The following NUDC variants were observed in gnomAD, a reference collection of about 807,000 sequenced individuals.
The protein encoded by NUDC is nuclear migration protein nudC.
NUDC carries 14 observed loss-of-function variants against 45.0 expected under a neutral mutation model. The observed-to-expected ratio is 0.31, with a 90% CI of 0.21 to 0.49. The LOEUF (loss-of-function observed/expected upper bound fraction) is 0.49, where lower values mean the gene tolerates loss of function less well. Ranked by LOEUF, NUDC falls within the 20% of genes least tolerant of loss-of-function variation. The pLI, the probability that NUDC is intolerant of heterozygous loss-of-function variation, is 0.99. For synonymous variants in NUDC, 153 were observed against 156.7 expected, an observed-to-expected ratio of 0.98 and a Z score of 0.17; for missense variants, 323 against 426.2, an observed-to-expected ratio of 0.76 and a Z score of 2.13.
chr1:26,924,773 G>A (rs375846466), intron 2 of NUDC, among the ~76,000 whole-genome samples: 1 of 152,004 alleles, frequency 6.6e-6, no homozygotes, highest in Non-Finnish European at 1.5e-5. Context: ...GGCTGGTCTC[G>A]AACTCCTGAC....
At chr1:26,945,171 T>C in intron 6 of NUDC, 1 of 606,154 alleles carries the variant, frequency 1.6e-6, no homozygotes, top group Non-Finnish European at 3.0e-6. Context: ...CCTTTCTGCT[T>C]TCTTCTTTCC....
At chr1:26,927,545 C>G (rs1570728343) in intron 2 of NUDC, among the ~76,000 whole-genome samples, 2 of 151,746 alleles carry the variant, frequency 1.3e-5, no homozygotes, top group African/African-American at 2.4e-5. Context: ...TTACAGGCGC[C>G]CGCCCCTATG....
chr1:26,923,921 G>A (rs1011751115), intron 1 of NUDC, among the ~76,000 whole-genome samples, 168 bp from the exon 2 acceptor site: 1 of 152,134 alleles, frequency 6.6e-6, no homozygotes, highest in Non-Finnish European at 1.5e-5. Context: ...GCTTCATGGT[G>A]GAAGTGACTA....
chr1:26,911,686 A>G (rs1444080440), intron 3 of NUDC: 2 of 837,158 alleles, frequency 2.4e-6, no homozygotes, highest in Non-Finnish European at 3.9e-6. Flanking sequence ...AGGAAGTCCA[A>G]TGTGGGGTGT....
chr1:26,907,964 A>C (rs912961056), intron 2 of NUDC, among the ~76,000 whole-genome samples: 1 of 152,198 alleles, frequency 6.6e-6, no homozygotes, highest in East Asian at 1.9e-4. Flanking sequence ...GGATCACCTG[A>C]GGTCAGGAGT....
Position 26,921,817 on chromosome 1 carries a change from A to C in NUDC, c.-32A>C, listed in dbSNP as rs1013651599. On this transcript the variant is annotated 5_prime_UTR_variant, in exon 1 of 9. Coordinates refer to ENST00000321265, the MANE Select transcript of NUDC (RefSeq NM_006600.4). ...CGTAGAGAGCGCGGGACTAGAGTGC[A>C]GAGCTCCGGGACGTGGATCGGAGCC... is the stretch of plus-strand genomic sequence containing the variant. The C allele has an allele frequency of 1.3e-6, 2 of 1,547,190 alleles. No individual in the cohort carries two copies. Among genetic ancestry groups the C allele is most frequent in the Non-Finnish European group, 1.7e-6 (2 of 1,144,792 alleles).
At chr1:26,904,381 G>T (rs1455259564) in intron 2 of NUDC, among the ~76,000 whole-genome samples, 5 of 151,756 alleles carry the variant, frequency 3.3e-5, no homozygotes, top group African/African-American at 1.2e-4. Context: ...TGTTGACCAG[G>T]CTGATCTTGA....
At position 26,942,890 on chromosome 1, in the gene NUDC, T is replaced by C. The variant is rs772144546; in HGVS notation, c.566T>C (p.Val189Ala). 2 of 1,613,812 alleles carry C rather than the reference T, an allele frequency of 1.2e-6. No individual in the cohort carries two copies. Among genetic ancestry groups the C allele is most frequent in the South Asian group, 2.2e-5 (2 of 91,062 alleles). The change falls in exon 6 of 9, where the codon GTG becomes GCG. Residue 189 changes from valine to alanine, a missense_variant. Val to Ala is a moderately conservative substitution (Grantham distance 64). Coordinates refer to ENST00000321265, the MANE Select transcript of NUDC (RefSeq NM_006600.4). The stretch of plus-strand genomic sequence containing the variant: ...ATGCAGCTGGCGGTCCCTTTCTGTG[T>C]GAACTTCCGGCTGAAAGGGAAGGAC... ...SELDLAVPFC[V>A]NFRLKGKDMV... is the part of the protein sequence containing the mutation.
At chr1:26,920,582 A>G (rs2082084247), upstream of NUDC, among the ~76,000 whole-genome samples, 2 of 151,934 alleles carry the variant, frequency 1.3e-5, no homozygotes, top group South Asian at 4.1e-4. Context: ...TGAGAGCTGA[A>G]AATTGGAGAG....
chr1:26,934,475 C>T (rs1428842632), intron 2 of NUDC, among the ~76,000 whole-genome samples: 1 of 152,108 alleles, frequency 6.6e-6, no homozygotes. Context: ...CCTGGTACCC[C>T]CGCCAAATCT....
chr1:26,913,643 AC>A (rs750152150), intron 3 of NUDC: 3 of 1,613,700 alleles, frequency 1.9e-6, no homozygotes, highest in Non-Finnish European at 1.7e-6. Context: ...TCTTGGGCCA[AC>A]CCAAGCAGGA....
In NUDC at chr1:26,945,149, G is replaced by A. The variant is rs1290692402; in HGVS notation, c.742-241G>A. 1.2e-5 allele frequency: 7 copies of A among 590,868 alleles called. No homozygotes were observed. In the East Asian group the frequency reaches 2.0e-4, roughly 17 times the overall value. 36.6% of individuals were successfully genotyped at this position (590,868 alleles called of 1,614,324 possible). ...TTCAAACTTTTCTCCCTCCACCCTG[G>A]ATGAATATCTCCCTTTCTGCTTTCT... On this transcript the variant is annotated intron_variant, in intron 6 of 8. Transcript: ENST00000321265.
intron 6 of NUDC, 36 bp from the exon 7 acceptor site, chr1:26,945,354 A>G (rs763760474): frequency 6.4e-7 from 1 of 1,568,644 alleles, no homozygotes; most frequent in Admixed American, 1.7e-5. Context: ...TGCACAGAGC[A>G]GGCCACCTCC....
intron 2 of NUDC, among the ~76,000 whole-genome samples, chr1:26,909,827 G>A (rs1426234544): frequency 1.3e-5 from 2 of 152,074 alleles, no homozygotes; most frequent in East Asian, 3.9e-4. Flanking sequence ...GGTGGGAGGT[G>A]GGGGGATACA....
At chr1:26,944,350 C>A (rs556795247) in intron 6 of NUDC, among the ~76,000 whole-genome samples, 1 of 152,242 alleles carries the variant, frequency 6.6e-6, no homozygotes, top group Non-Finnish European at 1.5e-5. Flanking sequence ...CTGCGAGCGC[C>A]ACCCTACCTG....
chr1:26,906,848 C>CA (rs993683239), intron 2 of NUDC, among the ~76,000 whole-genome samples: 4 of 151,224 alleles, frequency 2.6e-5, no homozygotes, highest in South Asian at 2.1e-4. Context: ...GACTCCGTCT[C>CA]AAAAAAAATA....
At chr1:26,944,996 G>C in intron 6 of NUDC, 1 of 248,110 alleles carries the variant, frequency 4.0e-6, no homozygotes, top group Non-Finnish European at 8.0e-6. Flanking sequence ...GAGCCGAGAT[G>C]GTGCCACAGC....
intron 8 of NUDC, 116 bp from the exon 9 acceptor site, chr1:26,946,014 G>C: frequency 9.7e-7 from 1 of 1,033,142 alleles, no homozygotes; most frequent in Non-Finnish European, 1.5e-6. Flanking sequence ...CTCCTGCCCA[G>C]CCTGGCTTGG....
chr1:26,946,052 T>C (rs1413660160), intron 8 of NUDC, 78 bp from the exon 9 acceptor site: 4 of 1,420,526 alleles, frequency 2.8e-6, no homozygotes, highest in Non-Finnish European at 4.0e-6. Flanking sequence ...GAGATTAGAC[T>C]TGACACGGGG....
Sources: gnomAD v4.1 joint callset for allele counts (sites outside exome capture counted in the v4.1 genomes callset) on GRCh38, gnomAD v4.1.1 for gene constraint, MANE v1.5 for transcripts, NCBI Gene and HGNC (gene_info 2026-07-23, HGNC 2026-07-21) for gene names.